The following SH3GL2 variants were observed in gnomAD, a reference collection of about 807,000 sequenced individuals.
SH3GL2 encodes SH3 domain containing GRB2 like 2, endophilin A1.
A neutral mutation model predicts 46.0 loss-of-function variants in SH3GL2; 24 were observed. That is an observed-to-expected ratio of 0.52 (90% CI 0.38 to 0.73). SH3GL2 has a LOEUF of 0.73. SH3GL2 is among the 30% of genes least tolerant of loss of function. The pLI is 0.00. For missense variants in SH3GL2, 413 were observed against 424.2 expected, an observed-to-expected ratio of 0.97 and a Z score of 0.23; for synonymous variants, 196 against 147.1, an observed-to-expected ratio of 1.33 and a Z score of -2.40.
At chr9:17,585,908 T>C (rs1290723596) in intron 1 of SH3GL2, among the ~76,000 whole-genome samples, 4 of 152,160 alleles carry the variant, frequency 2.6e-5, no homozygotes, top group African/African-American at 9.7e-5. Context: ...GTACAACCCT[T>C]CTCAGTGTTT....
chr9:17,746,402 C>T (rs556049578), intron 1 of SH3GL2, among the ~76,000 whole-genome samples: 2 of 152,236 alleles, frequency 1.3e-5, no homozygotes, highest in African/African-American at 4.8e-5. Flanking sequence ...ATGAATTTTA[C>T]ATGTGGTTAG....
chr9:17,667,164 G>A (rs1016627324), intron 1 of SH3GL2, among the ~76,000 whole-genome samples: 5 of 152,166 alleles, frequency 3.3e-5, no homozygotes, highest in East Asian at 3.9e-4. Context: ...GATACATGTT[G>A]CAGCAAATAC....
chr9:17,761,437 A>G lies in SH3GL2; in HGVS notation c.115A>G (p.Lys39Glu). The G allele has an allele frequency of 6.3e-7, 1 of 1,596,476 alleles. No individual in the cohort carries two copies. The highest frequency in any genetic ancestry group is 8.6e-7 in the Non-Finnish European group (1 of 1,163,950). The part of the protein sequence containing the change: ...LDDDFKEMER[K>E]VDVTSRAVME... ...TAGAGCACTTATTTTCTCATTTCAGAAAGTGGATGTCACCAGCAGGGCTGT... is the reference window on the plus strand; with the variant it reads ...TAGAGCACTTATTTTCTCATTTCAGGAAGTGGATGTCACCAGCAGGGCTGT... The change falls in exon 3 of 9, where the codon AAA (lysine) becomes GAA (glutamate). Residue 39 changes from lysine (K) to glutamate (E), a missense_variant and splice_region_variant. By Grantham distance (56) the Lys-to-Glu change is moderately conservative. Coordinates refer to ENST00000380607, the MANE Select transcript of SH3GL2 (RefSeq NM_003026.5).
chr9:17,592,201 A>T (rs1818497652), intron 1 of SH3GL2, among the ~76,000 whole-genome samples: 1 of 152,200 alleles, frequency 6.6e-6, no homozygotes, highest in South Asian at 2.1e-4. Context: ...GCAGGAGAAG[A>T]TGGAAGTCTT....
chr9:17,790,361 G>C, intron 6 of SH3GL2: 2 of 839,112 alleles, frequency 2.4e-6, no homozygotes. Flanking sequence ...ATCTAGTCAA[G>C]TTGTCACCTA....
Position 17,689,612 on chromosome 9 carries a change from C to T in SH3GL2, c.46-57454C>T, listed in dbSNP as rs577731639. Reference sequence around the variant, plus strand: ...ATGTCTTAGCCCCTCCTCCTTAGCACTGTCCCTGCTACTCTGGCCTGGTTG... The same window carrying T: ...ATGTCTTAGCCCCTCCTCCTTAGCATTGTCCCTGCTACTCTGGCCTGGTTG... On this transcript the variant is annotated intron_variant, in intron 1 of 8. Transcript: ENST00000380607. 5.3e-5 allele frequency among the ~76,000 whole-genome samples: 8 copies of T among 151,250 alleles called. No homozygotes were observed. In the East Asian group the frequency reaches 1.6e-3, roughly 29 times the overall value.
intron 1 of SH3GL2, among the ~76,000 whole-genome samples, chr9:17,744,946 G>A (rs1034879652): frequency 6.6e-6 from 1 of 152,178 alleles, no homozygotes; most frequent in African/African-American, 2.4e-5. Context: ...CTAGCCTTGT[G>A]AGTCTAATGG....
At chr9:17,679,803 A>G (rs551958907) in intron 1 of SH3GL2, among the ~76,000 whole-genome samples, 82 of 152,314 alleles carry the variant, frequency 5.4e-4, no homozygotes, top group African/African-American at 1.9e-3. Context: ...GATATGTCCC[A>G]TCAATACCTA....
intron 1 of SH3GL2, among the ~76,000 whole-genome samples, chr9:17,707,202 C>T (rs12555674): frequency 0.16 from 24,436 of 152,000 alleles, 3,113 homozygotes; most frequent in African/African-American, 0.34. Context: ...TTCTCCATTT[C>T]CTTGTTGTGG....
At chr9:17,601,382 G>C (rs1818669469) in intron 1 of SH3GL2, among the ~76,000 whole-genome samples, 1 of 152,070 alleles carries the variant, frequency 6.6e-6, no homozygotes, top group South Asian at 2.1e-4. Flanking sequence ...TGAAATAGTT[G>C]AGTGTAATTC....
At chr9:17,751,470 T>TTGTTTGTGCG (rs1433444435) in intron 2 of SH3GL2, among the ~76,000 whole-genome samples, 53 of 133,026 alleles carry the variant, frequency 4.0e-4, no homozygotes, top group Admixed American at 1.5e-3. Context: ...GTGTGTGTTT[T>TTGTTTGTGCG]TGTGTGTGCG....
intron 1 of SH3GL2, among the ~76,000 whole-genome samples, chr9:17,631,504 T>C (rs985878982): frequency 2.6e-5 from 4 of 152,162 alleles, no homozygotes; most frequent in East Asian, 1.9e-4. Flanking sequence ...GTTCTGTACA[T>C]GGAAAATATA....
At chr9:17,663,420 G>A (rs185830959) in intron 1 of SH3GL2, among the ~76,000 whole-genome samples, 1 of 151,964 alleles carries the variant, frequency 6.6e-6, no homozygotes, top group Non-Finnish European at 1.5e-5. Flanking sequence ...TACTGGTTTG[G>A]CCATTATGCA....
chr9:17,691,503 A>AT (rs1821077862), intron 1 of SH3GL2, among the ~76,000 whole-genome samples: 1 of 152,106 alleles, frequency 6.6e-6, no homozygotes, highest in Non-Finnish European at 1.5e-5. Flanking sequence ...TATCTAATTG[A>AT]TTTTTGTCAG....
In SH3GL2 at chr9:17,579,361, C is replaced by T. The variant is rs561709210; in HGVS notation, c.45+74C>T. ...GAGGGGCGCGCTCGGCGCTGGCCGT[C>T]CGGCGGCAGCTTGGGGAGTTCGGCA... On this transcript the variant is annotated intron_variant, in intron 1 of 8. Coordinates refer to ENST00000380607, the MANE Select transcript of SH3GL2 (RefSeq NM_003026.5). 133 of 1,081,028 alleles carry T rather than the reference C, an allele frequency of 1.2e-4. 2 individuals carry two copies. The Middle Eastern group carries it at 8.2e-3, about 67-fold the overall frequency. The allele number at this position is 1,081,028 out of a possible 1,614,324, so 67.0% of individuals were successfully genotyped here.
chr9:17,746,134 G>C (rs992586971), intron 1 of SH3GL2, among the ~76,000 whole-genome samples: 2 of 152,290 alleles, frequency 1.3e-5, no homozygotes, highest in Non-Finnish European at 2.9e-5. Flanking sequence ...GAGTGCAGTG[G>C]TGGGATCTCC....
chr9:17,683,893 C>T (rs1251921743), intron 1 of SH3GL2, among the ~76,000 whole-genome samples: 1 of 152,080 alleles, frequency 6.6e-6, no homozygotes, highest in East Asian at 1.9e-4. Flanking sequence ...AGCCTAAATT[C>T]AGCTCTCAAC....
intron 1 of SH3GL2, among the ~76,000 whole-genome samples, chr9:17,628,912 C>G (rs146553733): frequency 3.3e-4 from 50 of 151,952 alleles, no homozygotes; most frequent in African/African-American, 1.1e-3. Flanking sequence ...GCACAGCATG[C>G]GGTGATACAT....
At chr9:17,582,138 A>G (rs1818289098) in intron 1 of SH3GL2, among the ~76,000 whole-genome samples, 1 of 152,232 alleles carries the variant, frequency 6.6e-6, no homozygotes, top group African/African-American at 2.4e-5. Flanking sequence ...GTTGTCTTAT[A>G]TTAGAATTGG....
Sources: allele counts gnomAD v4.1 joint callset (sites outside exome capture counted in the v4.1 genomes callset), GRCh38; gene constraint gnomAD v4.1.1; transcripts MANE v1.5; gene names NCBI Gene and HGNC (gene_info 2026-07-23, HGNC 2026-07-21).